Variants in CRIM1 observed in about 807,000 individuals in gnomAD.
The protein encoded by CRIM1 is cysteine-rich motor neuron 1 protein.
In CRIM1, 32 loss-of-function variants were observed where a neutral mutation model predicts 116.4. That is an observed-to-expected ratio of 0.27 (90% CI 0.21 to 0.37). The LOEUF is 0.37. CRIM1 is among the 10% of genes least tolerant of loss of function. The pLI, the probability that CRIM1 is intolerant of heterozygous loss-of-function variation, is 1.00. For missense variants in CRIM1, 1,331 were observed against 1,354.8 expected (o/e 0.98, Z 0.28); for synonymous variants, 590 against 509.2 (o/e 1.16, Z -2.13).
chr2:36,377,596 CTTAAG>C (rs990226889), intron 1 of CRIM1, among the ~76,000 whole-genome samples: 2 of 152,148 alleles, frequency 1.3e-5, no homozygotes, highest in African/African-American at 2.4e-5. Context: ...ATAAGGAATA[CTTAAG>C]TTAACTCATT....
At chr2:36,375,538 G>A (rs1254428792) in intron 1 of CRIM1, among the ~76,000 whole-genome samples, 1 of 152,142 alleles carries the variant, frequency 6.6e-6, no homozygotes, top group Non-Finnish European at 1.5e-5. Context: ...GCAAAAGGAA[G>A]ACAAACATTT....
chr2:36,464,313 A>C (rs1347782997), intron 4 of CRIM1, among the ~76,000 whole-genome samples: 1 of 152,222 alleles, frequency 6.6e-6, no homozygotes, highest in Non-Finnish European at 1.5e-5. Context: ...GGTTAAAGTT[A>C]AAAATTGGGG....
At chr2:36,491,189 T>G (rs549511777) in intron 7 of CRIM1, among the ~76,000 whole-genome samples, 2 of 152,304 alleles carry the variant, frequency 1.3e-5, no homozygotes, top group South Asian at 4.1e-4. Flanking sequence ...ATTAAGAATT[T>G]TATAGGAGGC....
At chr2:36,378,474 T>C (rs1572593153) in intron 1 of CRIM1, 1 of 466,102 alleles carries the variant, frequency 2.1e-6, no homozygotes, top group East Asian at 7.0e-5. Flanking sequence ...CCATTCATTC[T>C]GAGGTGCCTG....
chr2:36,510,972 C>CCGTA (rs1310013938), intron 9 of CRIM1, among the ~76,000 whole-genome samples: 1 of 148,068 alleles, frequency 6.8e-6, no homozygotes, highest in Non-Finnish European at 1.5e-5. Flanking sequence ...GCCACCCAGG[C>CCGTA]CGTAGTGCAG....
At chr2:36,464,065 G>C (rs185773656) in intron 4 of CRIM1, among the ~76,000 whole-genome samples, 68 of 152,204 alleles carry the variant, frequency 4.5e-4, no homozygotes, top group Non-Finnish European at 6.6e-4. Context: ...ATTGAACCAG[G>C]AGTCAGAAAA....
chr2:36,415,296 T>G (rs1175866601), intron 2 of CRIM1, among the ~76,000 whole-genome samples: 1 of 152,274 alleles, frequency 6.6e-6, no homozygotes, highest in Middle Eastern at 3.4e-3. Context: ...CAGAAGTGAT[T>G]CTGAGTCCTT....
At chr2:36,441,897 T>G (rs150959655) in intron 3 of CRIM1, among the ~76,000 whole-genome samples, 7 of 152,334 alleles carry the variant, frequency 4.6e-5, no homozygotes, top group African/African-American at 1.7e-4. Flanking sequence ...TCATCATACG[T>G]AAAACAGAAA....
At chr2:36,475,228 C>A (rs1291427554) in intron 5 of CRIM1, among the ~76,000 whole-genome samples, 3 of 152,214 alleles carry the variant, frequency 2.0e-5, no homozygotes, top group African/African-American at 7.2e-5. Flanking sequence ...AATCCATGAA[C>A]ACGGGATGTC....
At chr2:36,371,773 T>G (rs1669961141) in intron 1 of CRIM1, among the ~76,000 whole-genome samples, 1 of 152,234 alleles carries the variant, frequency 6.6e-6, no homozygotes, top group Admixed American at 6.5e-5. Flanking sequence ...TATAGGAATT[T>G]TCCTCGTGGG....
At chr2:36,458,490 A>G (rs1037652941) in intron 4 of CRIM1, among the ~76,000 whole-genome samples, 1 of 152,104 alleles carries the variant, frequency 6.6e-6, no homozygotes, top group Non-Finnish European at 1.5e-5. Context: ...AAACATGCCT[A>G]GTGGTAGGGA....
Position 36,481,290 on chromosome 2 carries a change from T to C in CRIM1, c.1372+1596T>C, listed in dbSNP as rs913245347. 3.9e-5 allele frequency among the ~76,000 whole-genome samples: 6 copies of C among 152,178 alleles called. No homozygotes were observed. In the South Asian group the frequency reaches 1.2e-3, roughly 32 times the overall value. On this transcript the variant is annotated intron_variant, in intron 7 of 16. Transcript: ENST00000280527. ...GGCAGTTGGTGAACAGGTAGATATATATATAACTCATTTATTACCATTTTC... is the reference window on the plus strand; with the variant it reads ...GGCAGTTGGTGAACAGGTAGATATACATATAACTCATTTATTACCATTTTC...
intron 1 of CRIM1, among the ~76,000 whole-genome samples, chr2:36,361,364 A>G (rs576121037): frequency 6.6e-6 from 1 of 152,324 alleles, no homozygotes; most frequent in South Asian, 2.1e-4. Context: ...TGTAGGCATT[A>G]CATCCATTTG....
chr2:36,446,314 C>T (rs1676239746), intron 4 of CRIM1, among the ~76,000 whole-genome samples: 1 of 152,132 alleles, frequency 6.6e-6, no homozygotes, highest in African/African-American at 2.4e-5. Context: ...TGTTAGTTTT[C>T]TCTGGAATTG....
chr2:36,494,924 T>A (rs1276355752), intron 7 of CRIM1, among the ~76,000 whole-genome samples: 1 of 152,122 alleles, frequency 6.6e-6, no homozygotes, highest in Non-Finnish European at 1.5e-5. Flanking sequence ...TAAACAGTAC[T>A]TCACTGAATT....
chr2:36,414,309 G>A (rs1673439078), intron 2 of CRIM1, among the ~76,000 whole-genome samples: 1 of 152,186 alleles, frequency 6.6e-6, no homozygotes, highest in East Asian at 1.9e-4. Context: ...ACAAAAGCTT[G>A]TTTTGTCTGA....
chr2:36,366,253 A>G (rs1173480983), intron 1 of CRIM1, among the ~76,000 whole-genome samples: 1 of 152,030 alleles, frequency 6.6e-6, no homozygotes, highest in Non-Finnish European at 1.5e-5. Flanking sequence ...TAGAAATTGG[A>G]TTTTCTTCCA....
intron 2 of CRIM1, among the ~76,000 whole-genome samples, chr2:36,438,167 G>A (rs1675477290): frequency 6.6e-6 from 1 of 151,342 alleles, no homozygotes; most frequent in African/African-American, 2.4e-5. Flanking sequence ...GGGATAACCA[G>A]TAAGATCTAA....
At chr2:36,423,574 G>A (rs891406810) in intron 2 of CRIM1, among the ~76,000 whole-genome samples, 1 of 152,232 alleles carries the variant, frequency 6.6e-6, no homozygotes, top group African/African-American at 2.4e-5. Context: ...TTGTTGTGTA[G>A]CTAGGATCGG....
Sources: gnomAD v4.1 joint callset for allele counts (sites outside exome capture counted in the v4.1 genomes callset) on GRCh38, gnomAD v4.1.1 for gene constraint, MANE v1.5 for transcripts, NCBI Gene and HGNC (gene_info 2026-07-23, HGNC 2026-07-21) for gene names.